Variants in DPP10 observed in about 807,000 individuals in gnomAD.
DPP10 encodes dipeptidyl peptidase like 10.
Under a neutral mutation model 120.9 loss-of-function variants are expected in DPP10, and 33 were observed. The observed-to-expected ratio is 0.27, with a 90% CI of 0.21 to 0.37. The LOEUF (loss-of-function observed/expected upper bound fraction) is 0.37, where lower values mean the gene tolerates loss of function less well. DPP10 is among the 10% of genes least tolerant of loss of function. The pLI is 1.00. For missense variants in DPP10, 816 were observed against 942.8 expected, an observed-to-expected ratio of 0.87 and a Z score of 1.76; for synonymous variants, 337 against 326.1, an observed-to-expected ratio of 1.03 and a Z score of -0.36.
At chr2:115,086,128 A>T (rs754506542) in intron 1 of DPP10, among the ~76,000 whole-genome samples, 8 of 152,216 alleles carry the variant, frequency 5.3e-5, no homozygotes, top group African/African-American at 1.2e-4. Context: ...ATCTCTGTTA[A>T]CATAGCTAGA....
intron 1 of DPP10, among the ~76,000 whole-genome samples, chr2:114,628,951 G>C (rs1412738738): frequency 3.9e-5 from 6 of 152,092 alleles, no homozygotes; most frequent in Non-Finnish European, 7.4e-5. Context: ...TTTTCCCTAA[G>C]ATTCCTAGAA....
chr2:114,587,450 A>C (rs1180148103), intron 1 of DPP10, among the ~76,000 whole-genome samples: 1 of 151,982 alleles, frequency 6.6e-6, no homozygotes, highest in East Asian at 1.9e-4. Context: ...TTTTTCATAG[A>C]ATAGGATCTA....
chr2:114,600,792 A>G (rs765526400), intron 1 of DPP10, among the ~76,000 whole-genome samples: 3 of 151,952 alleles, frequency 2.0e-5, no homozygotes, highest in Non-Finnish European at 4.4e-5. Flanking sequence ...AAAAGCAATG[A>G]TGCCTGAATA....
chr2:115,110,975 T>G (rs987900367), intron 1 of DPP10, among the ~76,000 whole-genome samples: 1 of 152,124 alleles, frequency 6.6e-6, no homozygotes, highest in African/African-American at 2.4e-5. Context: ...TATAGGTTGA[T>G]TTTAAAAATA....
chr2:115,765,558 A>G (rs1206551215), intron 12 of DPP10, among the ~76,000 whole-genome samples: 4 of 152,172 alleles, frequency 2.6e-5, no homozygotes, highest in African/African-American at 9.6e-5. Context: ...CATGATAAAG[A>G]TGAAAACAAG....
chr2:115,014,579 A>G (rs546704054), intron 1 of DPP10, among the ~76,000 whole-genome samples: 5 of 151,982 alleles, frequency 3.3e-5, no homozygotes, highest in Non-Finnish European at 7.4e-5. Context: ...AAAGATCAAC[A>G]AAATAGACCA....
At chr2:115,702,968 A>T (rs2091952167) in intron 7 of DPP10, among the ~76,000 whole-genome samples, 1 of 152,050 alleles carries the variant, frequency 6.6e-6, no homozygotes, top group Non-Finnish European at 1.5e-5. Flanking sequence ...TTTTAAACAA[A>T]TGTAGCCTTA....
At chr2:114,769,200 A>G (rs931784753) in intron 1 of DPP10, among the ~76,000 whole-genome samples, 6 of 152,192 alleles carry the variant, frequency 3.9e-5, no homozygotes, top group African/African-American at 1.4e-4. Context: ...GATAAAACCC[A>G]GGAATCAGAA....
chr2:115,087,372 T>A (rs1190914644), intron 1 of DPP10, among the ~76,000 whole-genome samples: 1 of 152,090 alleles, frequency 6.6e-6, no homozygotes, highest in East Asian at 1.9e-4. Context: ...TTAGTACAAA[T>A]ACTTTCCAGA....
rs773038660 is a variant in DPP10 at position 115,782,399 on chromosome 2, A to C, written c.1531A>C (p.Lys511Gln). 1 of 1,612,042 alleles carries C rather than the reference A, an allele frequency of 6.2e-7. No individual in the cohort carries two copies. The change falls in exon 17 of 26, where the codon AAA becomes CAA. Residue 511 changes from lysine (K) to glutamine (Q), a missense_variant and splice_region_variant. Lys to Gln is a moderately conservative substitution (Grantham distance 53). Coordinates refer to ENST00000410059, the MANE Select transcript of DPP10 (RefSeq NM_020868.6). ...VSLHSTDNPAKYFILESNSML... is the reference protein window; with the variant it reads ...VSLHSTDNPAQYFILESNSML... ...CCTACATAGTACGGACAACCCAGCA[A>C]GTGAGTACACAAGAAGACAATTAAG...
intron 5 of DPP10, among the ~76,000 whole-genome samples, chr2:115,591,351 C>T (rs2082649275): frequency 6.6e-6 from 1 of 152,178 alleles, no homozygotes; most frequent in Non-Finnish European, 1.5e-5. Context: ...AGGGAGGGAT[C>T]CAGTTTCAGC....
At chr2:114,673,938 T>G (rs1352590594) in intron 1 of DPP10, among the ~76,000 whole-genome samples, 1 of 152,156 alleles carries the variant, frequency 6.6e-6, no homozygotes, top group African/African-American at 2.4e-5. Flanking sequence ...TACTTTCCAC[T>G]GTAATGTCTC....
chr2:115,210,470 G>A (rs1005253751), intron 1 of DPP10, among the ~76,000 whole-genome samples: 3 of 151,996 alleles, frequency 2.0e-5, no homozygotes, highest in South Asian at 2.1e-4. Context: ...GAATAGTGCC[G>A]CAATAAACGT....
chr2:114,750,165 C>CA (rs755451332), intron 1 of DPP10, among the ~76,000 whole-genome samples: 4 of 151,508 alleles, frequency 2.6e-5, no homozygotes, highest in Non-Finnish European at 4.4e-5. Flanking sequence ...TAATCCAAGG[C>CA]AAAAATGTCA....
intron 5 of DPP10, among the ~76,000 whole-genome samples, chr2:115,566,315 T>C (rs1260842675): frequency 6.6e-6 from 1 of 152,130 alleles, no homozygotes; most frequent in Non-Finnish European, 1.5e-5. Context: ...CTGAGTTTTC[T>C]TGACTGAAAA....
intron 3 of DPP10, among the ~76,000 whole-genome samples, chr2:115,405,327 A>T (rs2068426465): frequency 6.6e-6 from 1 of 152,118 alleles, no homozygotes. Flanking sequence ...TACTTCATGT[A>T]CCTTTTCCTG....
chr2:114,897,991 T>C (rs1693184887), intron 1 of DPP10, among the ~76,000 whole-genome samples: 1 of 152,200 alleles, frequency 6.6e-6, no homozygotes, highest in Non-Finnish European at 1.5e-5. Flanking sequence ...AGCCATTCCG[T>C]TACTGGGTGT....
chr2:114,775,722 A>G (rs1681666215), intron 1 of DPP10, among the ~76,000 whole-genome samples: 1 of 152,170 alleles, frequency 6.6e-6, no homozygotes, highest in African/African-American at 2.4e-5. Flanking sequence ...TCACATTCCC[A>G]ACAATTAGAA....
At chr2:114,746,918 C>T (rs1280978366) in intron 1 of DPP10, among the ~76,000 whole-genome samples, 1 of 152,178 alleles carries the variant, frequency 6.6e-6, no homozygotes, top group African/African-American at 2.4e-5. Flanking sequence ...GTCAATGAAA[C>T]ATTGTTTCTG....
Sources: gnomAD v4.1 joint callset for allele counts (sites outside exome capture counted in the v4.1 genomes callset) on GRCh38, gnomAD v4.1.1 for gene constraint, MANE v1.5 for transcripts, NCBI Gene and HGNC (gene_info 2026-07-23, HGNC 2026-07-21) for gene names.